Variants in UBE4B observed in about 807,000 individuals in gnomAD.
UBE4B encodes ubiquitin conjugation factor E4 B.
In UBE4B, 27 loss-of-function variants were observed where a neutral mutation model predicts 148.1. That is an observed-to-expected ratio of 0.18 (90% confidence interval 0.13 to 0.25). The LOEUF is 0.25. UBE4B is among the 10% of genes least tolerant of loss of function. The pLI, the probability that UBE4B is intolerant of heterozygous loss-of-function variation, is 1.00. For synonymous variants in UBE4B, 596 were observed against 619.3 expected (o/e 0.96, Z 0.56); for missense variants, 1,170 against 1,662.4 (o/e 0.70, Z 5.15).
chr1:10,063,515 C>A (rs1644327064), intron 1 of UBE4B, among the ~76,000 whole-genome samples: 1 of 152,230 alleles, frequency 6.6e-6, no homozygotes, highest in Non-Finnish European at 1.5e-5. Flanking sequence ...GATCAAGTAT[C>A]TCCAGAGCTG....
chr1:10,127,000 C>A, intron 11 of UBE4B, 123 bp downstream of exon 11: 2 of 864,436 alleles, frequency 2.3e-6, no homozygotes, highest in Non-Finnish European at 3.7e-6. Context: ...AACATGAAAT[C>A]ACTGTGTTGG....
chr1:10,150,862 GA>G (rs751799095), intron 20 of UBE4B, among the ~76,000 whole-genome samples: 5,985 of 107,478 alleles, frequency 0.056, 146 homozygotes, highest in Non-Finnish European at 0.085. Context: ...TCCATCTCAA[GA>G]AAAAAAAAAA....
At chr1:10,085,788 A>G (rs552358558) in intron 2 of UBE4B, among the ~76,000 whole-genome samples, 2 of 151,928 alleles carry the variant, frequency 1.3e-5, no homozygotes, top group Non-Finnish European at 2.9e-5. Flanking sequence ...TCCTGTATTC[A>G]GTGACTTTTT....
At chr1:10,109,320 A>G (rs1426495803) in intron 7 of UBE4B, among the ~76,000 whole-genome samples, 1 of 151,986 alleles carries the variant, frequency 6.6e-6, no homozygotes, top group Non-Finnish European at 1.5e-5. Flanking sequence ...CCACTTTTCC[A>G]TTTCTGCCCA....
At chr1:10,088,718 C>T (rs945832591) in intron 2 of UBE4B, among the ~76,000 whole-genome samples, 2 of 151,146 alleles carry the variant, frequency 1.3e-5, no homozygotes, top group African/African-American at 2.4e-5. Flanking sequence ...CTCCCTCTGT[C>T]ACCCAGGCTG....
chr1:10,130,416 A>G, intron 12 of UBE4B, 84 bp from the exon 13 acceptor site: 1 of 1,119,100 alleles, frequency 8.9e-7, no homozygotes, highest in Non-Finnish European at 1.3e-6. Flanking sequence ...TTGTGAAAAT[A>G]CAGAGGAGCT....
At position 10,040,529 on chromosome 1, in the gene UBE4B, G is replaced by A. The variant is rs576562341; in HGVS notation, c.24+6835G>A. On this transcript the variant is annotated intron_variant, in intron 1 of 27. Coordinates refer to ENST00000343090, the MANE Select transcript of UBE4B (RefSeq NM_001105562.3). ...GCCTCCCAGAGTGCTGAGATTGCAA[G>A]TTTAATTTTGGACCACCAAAAAGAT... Among the ~76,000 whole-genome samples the A allele has an allele frequency of 1.8e-4, 28 of 152,066 alleles. No homozygotes were observed. In the East Asian group the frequency reaches 4.8e-3, roughly 26 times the overall value.
chr1:10,082,131 A>G (rs1392535066), intron 2 of UBE4B, among the ~76,000 whole-genome samples: 3 of 152,156 alleles, frequency 2.0e-5, no homozygotes, highest in African/African-American at 2.4e-5. Context: ...CACTTAATAC[A>G]TATTTATTTA....
At position 10,106,567 on chromosome 1, in the gene UBE4B, C is replaced by G. The variant is rs374799748; in HGVS notation, c.1180C>G (p.Leu394Val). The G allele has an allele frequency of 7.6e-6, 12 of 1,572,370 alleles. No individual in the cohort carries two copies. Among genetic ancestry groups the G allele is most frequent in the African/African-American group, 1.4e-5 (1 of 73,898 alleles). The change falls in exon 7 of 28, where the codon CTG becomes GTG. Residue 394 changes from leucine to valine, a missense_variant. Leu to Val is a conservative substitution (Grantham distance 32, BLOSUM62 1). Around this residue, in one of 6 missense-constraint regions of UBE4B, gnomAD observed 388 missense variants for 536.0 expected, o/e 0.72. Coordinates refer to ENST00000343090, the MANE Select transcript of UBE4B (RefSeq NM_001105562.3). This position sits in a 1 kb window ranked among gnomAD's most constrained non-coding sequence, Gnocchi z 4.2. ...PSATSRRPSS[L>V]RISPSLGASG... ...TGCCACGAGCAGACGCCCCTCCTCC[C>G]TGAGGATCTCTCCTAGGTATTTATC...
intron 1 of UBE4B, chr1:10,054,857 C>G (rs1286109439): frequency 6.8e-6 from 1 of 146,542 alleles, no homozygotes; most frequent in Admixed American, 7.2e-5. Context: ...GTAATCTTGG[C>G]TCACTGCAAG....
At position 10,165,249 on chromosome 1, in the gene UBE4B, A is replaced by G. The variant is rs183055051; in HGVS notation, c.3199-2887A>G. 1.5e-3 allele frequency among the ~76,000 whole-genome samples: 221 copies of G among 152,246 alleles called. 1 individual carries two copies. The highest frequency in any genetic ancestry group is 2.5e-3 in the Non-Finnish European group (168 of 68,026). On this transcript the variant is annotated intron_variant, in intron 23 of 27. Coordinates refer to ENST00000343090, the MANE Select transcript of UBE4B (RefSeq NM_001105562.3). ...TCTCAGTAAATGGCGCCTTCATTCT[A>G]CCAGCTGCTCAGGCTCGATGCTTTG...
At chr1:10,048,782 G>A (rs541519263) in intron 1 of UBE4B, among the ~76,000 whole-genome samples, 1 of 152,300 alleles carries the variant, frequency 6.6e-6, no homozygotes, top group African/African-American at 2.4e-5. Context: ...GGGAGGAGAG[G>A]GGAGGGAGCT....
chr1:10,139,185 CAG>C (rs1645745063), intron 17 of UBE4B, among the ~76,000 whole-genome samples: 1 of 152,172 alleles, frequency 6.6e-6, no homozygotes, highest in African/African-American at 2.4e-5. Flanking sequence ...CACCTGAGGT[CAG>C]GAGTTGGATG....
chr1:10,095,375 A>G (rs764060262), intron 2 of UBE4B, 86 bp from the exon 3 acceptor site: 60 of 1,524,932 alleles, frequency 3.9e-5, no homozygotes, highest in Non-Finnish European at 5.1e-5. Flanking sequence ...GGGTGACTGC[A>G]GATTGTGCGT....
intron 7 of UBE4B, among the ~76,000 whole-genome samples, chr1:10,110,058 C>G (rs1408041215): frequency 6.6e-6 from 1 of 152,186 alleles, no homozygotes; most frequent in Non-Finnish European, 1.5e-5. Context: ...CCCCCTTTCT[C>G]ATTGATCTTC....
At chr1:10,111,043 T>TCACACACACACA (rs1408430397) in intron 7 of UBE4B, among the ~76,000 whole-genome samples, 3 of 91,052 alleles carry the variant, frequency 3.3e-5, no homozygotes, top group African/African-American at 1.4e-4. Flanking sequence ...TCTCTGTCTC[T>TCACACACACACA]GACACACACA....
intron 3 of UBE4B, 57 bp from the exon 4 acceptor site, chr1:10,101,051 G>A (rs776554925): frequency 8.7e-6 from 13 of 1,489,424 alleles, no homozygotes; most frequent in African/African-American, 2.8e-5. Flanking sequence ...AGCAGCTACA[G>A]TGACATTGTG....
At chr1:10,057,990 T>C (rs1202080370) in intron 1 of UBE4B, among the ~76,000 whole-genome samples, 1 of 152,112 alleles carries the variant, frequency 6.6e-6, no homozygotes, top group African/African-American at 2.4e-5. Context: ...TCTCAGGTCA[T>C]GTCCACACAA....
chr1:10,074,367 A>G (rs1228556299), intron 2 of UBE4B, among the ~76,000 whole-genome samples: 1 of 149,532 alleles, frequency 6.7e-6, no homozygotes, highest in Non-Finnish European at 1.5e-5. Flanking sequence ...AACAGCCTAT[A>G]TAATGCCATT....
Sources: gnomAD v4.1 joint callset for allele counts (sites outside exome capture counted in the v4.1 genomes callset) on GRCh38, gnomAD v4.1.1 for gene constraint, gnomAD v4.1.1 regional missense constraint, Gnocchi (gnomAD v3.1) non-coding constraint, MANE v1.5 for transcripts, NCBI Gene and HGNC (gene_info 2026-07-23, HGNC 2026-07-21) for gene names.